Variants in NELL1 observed in about 807,000 individuals in gnomAD.
NELL1 encodes the protein neural EGFL like 1.
A neutral mutation model predicts 107.4 loss-of-function variants in NELL1; 76 were observed. That is an observed-to-expected ratio of 0.71 (90% CI 0.59 to 0.86). The LOEUF is 0.86. NELL1 is among the 40% of genes least tolerant of loss of function. The probability of loss-of-function intolerance (pLI) is 0.00; values close to 1 mark genes in which losing one functional copy is unlikely to be tolerated. For missense variants in NELL1, 1,024 were observed against 1,005.5 expected, an observed-to-expected ratio of 1.02 and a Z score of -0.25; for synonymous variants, 353 against 341.2, an observed-to-expected ratio of 1.03 and a Z score of -0.38.
chr11:21,123,985 C>G (rs956472793), intron 13 of NELL1, among the ~76,000 whole-genome samples: 4 of 152,056 alleles, frequency 2.6e-5, no homozygotes, highest in Non-Finnish European at 5.9e-5. Context: ...TGTATGAATA[C>G]ATATGCACAT....
chr11:21,168,336 G>A (rs1321946056), intron 13 of NELL1, among the ~76,000 whole-genome samples: 1 of 151,380 alleles, frequency 6.6e-6, no homozygotes, highest in Non-Finnish European at 1.5e-5. Context: ...TTTTTATTGA[G>A]TTAAAAAATA....
chr11:21,433,464 A>G (rs1467961360), intron 15 of NELL1, among the ~76,000 whole-genome samples: 1 of 152,192 alleles, frequency 6.6e-6, no homozygotes, highest in African/African-American at 2.4e-5. Flanking sequence ...GCTGTTTTCA[A>G]TAATGGCTGT....
At chr11:21,307,182 A>G (rs1391755973) in intron 14 of NELL1, among the ~76,000 whole-genome samples, 3 of 151,978 alleles carry the variant, frequency 2.0e-5, no homozygotes, top group African/African-American at 4.8e-5. Context: ...TGCAGGTGTC[A>G]TGGCTGTCAA....
intron 10 of NELL1, among the ~76,000 whole-genome samples, chr11:20,942,675 CAG>C (rs1411714768): frequency 6.6e-6 from 1 of 152,138 alleles, no homozygotes; most frequent in African/African-American, 2.4e-5. Context: ...GAATTTAAGA[CAG>C]ATACCATTCT....
intron 13 of NELL1, among the ~76,000 whole-genome samples, chr11:21,118,391 T>A (rs1223379325): frequency 6.6e-6 from 1 of 152,040 alleles, no homozygotes; most frequent in Non-Finnish European, 1.5e-5. Flanking sequence ...GTCTTTGGAA[T>A]GCTGACATTT....
At chr11:21,565,026 G>A (rs1168833529) in intron 17 of NELL1, among the ~76,000 whole-genome samples, 2 of 151,952 alleles carry the variant, frequency 1.3e-5, no homozygotes, top group Non-Finnish European at 2.9e-5. Context: ...ACAGGAAGAA[G>A]CCAGGGAACA....
chr11:21,487,628 A>AACTT (rs1206544391), intron 15 of NELL1, among the ~76,000 whole-genome samples: 1 of 32,064 alleles, frequency 3.1e-5, no homozygotes, highest in Non-Finnish European at 5.7e-5. Flanking sequence ...ATGAACAAAG[A>AACTT]ACATACAACC....
At chr11:20,790,172 T>TGTAAGTGGTG (rs1857045915) in intron 3 of NELL1, among the ~76,000 whole-genome samples, 1 of 152,162 alleles carries the variant, frequency 6.6e-6, no homozygotes, top group African/African-American at 2.4e-5. Flanking sequence ...AGCCAGCCAC[T>TGTAAGTGGTG]TCCACCCAGG....
rs114088236 is a variant in NELL1, at chr11:21,039,123, A to T, written c.1301-74466A>T. Among the ~76,000 whole-genome samples, 541 of 152,130 alleles carry T rather than the reference A, an allele frequency of 3.6e-3. 1 individual carries two copies. Among genetic ancestry groups the T allele is most frequent in the African/African-American group, 0.013 (519 of 41,496 alleles). On this transcript the variant is annotated intron_variant, in intron 12 of 19. Coordinates refer to ENST00000357134, the MANE Select transcript of NELL1 (RefSeq NM_006157.5). ...GTAAGGTCAGAGGTGAATTTGAAGG[A>T]GCTATGTTTAAGGGAAAGGGGAAGA...
chr11:21,417,481 TA>T (rs1275406156), intron 15 of NELL1, among the ~76,000 whole-genome samples: 1 of 152,052 alleles, frequency 6.6e-6, no homozygotes, highest in Non-Finnish European at 1.5e-5. Context: ...TTTCCAGATT[TA>T]AAGAAGGATA....
intron 15 of NELL1, among the ~76,000 whole-genome samples, chr11:21,424,168 G>T (rs1852762651): frequency 6.6e-6 from 1 of 152,042 alleles, no homozygotes. Flanking sequence ...AAAAATCAAT[G>T]AAATCAAAAG....
intron 3 of NELL1, among the ~76,000 whole-genome samples, chr11:20,845,435 G>A (rs1848686827): frequency 6.6e-6 from 1 of 152,118 alleles, no homozygotes; most frequent in Non-Finnish European, 1.5e-5. Flanking sequence ...TGACTTCTGT[G>A]AGTATTTCTA....
chr11:21,549,843 A>G (rs1591027355), intron 16 of NELL1, among the ~76,000 whole-genome samples: 2 of 113,930 alleles, frequency 1.8e-5, no homozygotes, highest in South Asian at 5.8e-4. Context: ...GCAATAGGGA[A>G]GAGGGCCCAA....
intron 13 of NELL1, among the ~76,000 whole-genome samples, chr11:21,175,303 C>T (rs572501173): frequency 2.6e-5 from 4 of 151,842 alleles, no homozygotes; most frequent in African/African-American, 9.7e-5. Context: ...TCAATTCTAA[C>T]CATTCTTCAA....
At chr11:21,025,303 C>T (rs1024254847) in intron 12 of NELL1, among the ~76,000 whole-genome samples, 2 of 151,934 alleles carry the variant, frequency 1.3e-5, no homozygotes, top group African/African-American at 4.8e-5. Context: ...TCTCACAATT[C>T]TGTAAGGTTG....
At chr11:21,098,425 G>A (rs192387235) in intron 12 of NELL1, among the ~76,000 whole-genome samples, 85 of 152,160 alleles carry the variant, frequency 5.6e-4, no homozygotes, top group Middle Eastern at 6.8e-3. Context: ...TAACCTCATC[G>A]CCCAGCATAG....
chr11:21,439,441 G>A (rs558037737), intron 15 of NELL1, among the ~76,000 whole-genome samples: 8 of 152,184 alleles, frequency 5.3e-5, no homozygotes, highest in South Asian at 4.1e-4. Context: ...GATTAATCTC[G>A]GATCACTGAC....
At chr11:20,759,791 C>T (rs1236948543) in intron 2 of NELL1, among the ~76,000 whole-genome samples, 1 of 152,144 alleles carries the variant, frequency 6.6e-6, no homozygotes, top group African/African-American at 2.4e-5. Flanking sequence ...CAGAGGTGTC[C>T]TCCCCACTTT....
intron 1 of NELL1, among the ~76,000 whole-genome samples, chr11:20,676,054 C>A (rs1317538956): frequency 6.6e-6 from 1 of 152,074 alleles, no homozygotes; most frequent in East Asian, 1.9e-4. Context: ...TGGGTGGCCT[C>A]ATTTTCTACT....
Sources: allele counts gnomAD v4.1 joint callset (sites outside exome capture counted in the v4.1 genomes callset), GRCh38; gene constraint gnomAD v4.1.1; transcripts MANE v1.5; gene names NCBI Gene and HGNC (gene_info 2026-07-23, HGNC 2026-07-21).